ZNF565: variants seen among roughly 807,000 people sequenced by gnomAD.
ZNF565 encodes the protein zinc finger protein 565.
In ZNF565, 27 loss-of-function variants were observed where a neutral mutation model predicts 39.4. The observed-to-expected ratio is 0.69, with a 90% confidence interval of 0.51 to 0.95. The LOEUF is 0.95. Ranked by LOEUF, ZNF565 falls within the 40% of genes least tolerant of loss-of-function variation. The pLI is 0.00. For missense variants in ZNF565, 524 were observed against 621.1 expected (o/e 0.84, Z 1.66); for synonymous variants, 185 against 216.6 (o/e 0.85, Z 1.28).
At chr19:36,221,933 T>C (rs983233136) in intron 1 of ZNF565, among the ~76,000 whole-genome samples, 19 of 127,412 alleles carry the variant, frequency 1.5e-4, no homozygotes, top group South Asian at 9.6e-4. Context: ...CTTTCTTTTT[T>C]TTTTTTTTTT....
At chr19:36,205,819 G>T in intron 1 of ZNF565, among the ~76,000 whole-genome samples, 1 of 152,076 alleles carries the variant, frequency 6.6e-6, no homozygotes, top group Non-Finnish European at 1.5e-5. Flanking sequence ...ACAGGCTCTG[G>T]CATCTGACAC....
Position 36,220,360 on chromosome 19 carries a change from TAATTTAATTTTA to T in ZNF565, c.56-18322_56-18311del, listed in dbSNP as rs1568429096. Among the ~76,000 whole-genome samples the T allele has an allele frequency of 3.2e-3, 468 of 146,478 alleles. 15 individuals are homozygous for T. Among genetic ancestry groups the T allele is most frequent in the Non-Finnish European group, 4.7e-3 (313 of 66,062 alleles). On this transcript the variant is annotated intron_variant, in intron 1 of 4. Transcript: ENST00000355114. ...TTTCTTAGCTCCTAGTTCTTTTTTT[TAATTTAATTTTA>T]TTTTATTTTTGAGACGGAGTCTTGC...
chr19:36,183,454 T>C lies in ZNF565; in HGVS notation c.512A>G (p.Glu171Gly), dbSNP rs1373434997. 2 of 1,614,092 alleles carry C rather than the reference T, an allele frequency of 1.2e-6. No individual in the cohort carries two copies. The highest frequency in any genetic ancestry group is 1.1e-5 in the South Asian group (1 of 91,092). ...GCCACGGCTAAATGCTTTCCCACAT[T>C]CATGACATTCCATCAGTTTCTCACC... The part of the protein sequence containing the change: ...ETGEKLMECH[E>G]CGKAFSRGSH... The change falls in exon 5 of 5, where the codon GAA becomes GGA. Residue 171 changes from glutamate (E) to glycine (G), a missense_variant. Glu to Gly is a moderately conservative substitution (Grantham distance 98). Coordinates refer to ENST00000304116, the MANE Select transcript of ZNF565 (RefSeq NM_152477.5).
At chr19:36,207,760 T>C (rs1976210621) in intron 1 of ZNF565, among the ~76,000 whole-genome samples, 1 of 152,126 alleles carries the variant, frequency 6.6e-6, no homozygotes. Flanking sequence ...AGGTGATGAC[T>C]GTCACTTCAG....
intron 4 of ZNF565, among the ~76,000 whole-genome samples, chr19:36,189,197 G>A: frequency 6.6e-6 from 1 of 152,216 alleles, no homozygotes; most frequent in Middle Eastern, 3.4e-3. Context: ...CCTGAGGTGG[G>A]AGGATGGCTT....
At chr19:36,218,211 T>C (rs532116499), upstream of ZNF565, 1 of 152,022 alleles carries the variant, frequency 6.6e-6, no homozygotes, top group South Asian at 2.1e-4. Flanking sequence ...TACTTAAACC[T>C]TGGGCCTCAG....
In ZNF565 at chr19:36,199,506, C is replaced by CTTTTTTTTTT. The variant is rs1183093969; in HGVS notation, c.9+2461_9+2470dup. ...CTTTTAAATGAATTTCTTTCTTTCT[C>CTTTTTTTTTT]TTTTTTTTTTTTTTTTTTTGAGACA... On this transcript the variant is annotated intron_variant, in intron 2 of 4. Transcript: ENST00000304116. 4.7e-5 allele frequency among the ~76,000 whole-genome samples: 6 copies of CTTTTTTTTTT among 128,918 alleles called. No individual in the cohort carries two copies. In the South Asian group the frequency reaches 7.4e-4, roughly 16 times the overall value. 84.6% of individuals were successfully genotyped at this position (128,918 alleles called of 152,430 possible).
At chr19:36,243,197 C>G (rs1231664826) in intron 1 of ZNF565, among the ~76,000 whole-genome samples, 1 of 152,098 alleles carries the variant, frequency 6.6e-6, no homozygotes, top group Non-Finnish European at 1.5e-5. Context: ...CCACGCCCGG[C>G]TAATTTTTGT....
At chr19:36,225,391 C>T (rs1247661630) in intron 1 of ZNF565, among the ~76,000 whole-genome samples, 1 of 152,144 alleles carries the variant, frequency 6.6e-6, no homozygotes, top group Non-Finnish European at 1.5e-5. Context: ...TGTTTCTTTA[C>T]TCATTTCCTC....
chr19:36,239,607 T>C (rs1977762967), intron 1 of ZNF565, among the ~76,000 whole-genome samples: 1 of 152,182 alleles, frequency 6.6e-6, no homozygotes, highest in African/African-American at 2.4e-5. Context: ...ATTACAGGTA[T>C]GAGTCACCAT....
In ZNF565 at chr19:36,182,436, C is replaced by T. The variant is rs1372821470; in HGVS notation, c.*30G>A. The stretch of plus-strand genomic sequence containing the variant: ...GCCAGATGTGAACTCCACATAAAGG[C>T]TTATCTTTATCCCTTACACTCAAGG... On this transcript the variant is annotated 3_prime_UTR_variant, in exon 5 of 5. Transcript: ENST00000304116. 3 of 1,521,660 alleles carry T rather than the reference C, an allele frequency of 2.0e-6. No individual in the cohort carries two copies. The highest frequency in any genetic ancestry group is 1.8e-6 in the Non-Finnish European group (2 of 1,136,430). The allele number at this position is 1,521,660 out of a possible 1,614,324, so 94.3% of individuals were successfully genotyped here. A position where few individuals can be genotyped will look rare whatever the true frequency, so the allele number is the denominator to read the frequency against.
intron 4 of ZNF565, among the ~76,000 whole-genome samples, chr19:36,188,851 T>C (rs557886757): frequency 2.4e-4 from 36 of 152,308 alleles, no homozygotes; most frequent in African/African-American, 8.4e-4. Flanking sequence ...GGAATATTAT[T>C]CAGCCATAAA....
Position 36,205,935 on chromosome 19 carries a change from G to A in ZNF565, c.-65-3885C>T, listed in dbSNP as rs546311889. ...AGGAAAGAAAATAATTCAAGTCCCT[G>A]TCCCAGTTGATCTCACATTCTGTTT... On this transcript the variant is annotated intron_variant, in intron 1 of 4. Coordinates refer to ENST00000304116, the MANE Select transcript of ZNF565 (RefSeq NM_152477.5). 9.2e-5 allele frequency among the ~76,000 whole-genome samples: 14 copies of A among 151,726 alleles called. No homozygotes were observed. The East Asian group carries it at 2.7e-3, about 29-fold the overall frequency.
At chr19:36,228,359 T>C (rs1977175782) in intron 1 of ZNF565, 1 of 152,166 alleles carries the variant, frequency 6.6e-6, no homozygotes, top group Admixed American at 6.5e-5. Context: ...ATAAGGGCTG[T>C]AGTTAAAATC....
At chr19:36,235,079 C>G (rs185025294) in intron 1 of ZNF565, among the ~76,000 whole-genome samples, 25 of 151,974 alleles carry the variant, frequency 1.6e-4, no homozygotes, top group Admixed American at 1.6e-3. Flanking sequence ...TATGGTGGTG[C>G]ACACCTGTAA....
intron 1 of ZNF565, among the ~76,000 whole-genome samples, chr19:36,220,889 T>C (rs1976807839): frequency 6.6e-6 from 1 of 151,980 alleles, no homozygotes; most frequent in Admixed American, 6.6e-5. Context: ...TCTTACTCTT[T>C]TGCCCAGGGC....
intron 4 of ZNF565, among the ~76,000 whole-genome samples, chr19:36,183,949 G>A (rs1328514284): frequency 6.6e-6 from 1 of 151,318 alleles, no homozygotes; most frequent in Non-Finnish European, 1.5e-5. Context: ...TTGGTGGCAG[G>A]CACCTGTAAT....
At chr19:36,219,562 T>C (rs1319917924), upstream of ZNF565, among the ~76,000 whole-genome samples, 3 of 152,216 alleles carry the variant, frequency 2.0e-5, 1 homozygote, top group Middle Eastern at 6.3e-3. Flanking sequence ...TCAGAGGTGA[T>C]CTTACATACT....
rs199646540 is a variant in ZNF565, at chr19:36,183,278, T to A, written c.688A>T (p.Lys230Ter). The A allele has an allele frequency of 9.3e-6, 15 of 1,614,176 alleles. No homozygotes were observed. The highest frequency in any genetic ancestry group is 9.3e-6 in the Non-Finnish European group (11 of 1,180,038). The change falls in exon 5 of 5, where the codon AAG (lysine) becomes TAG (stop). Residue 230 changes from lysine (K) to a stop codon, truncating the protein, a stop_gained. Transcript: ENST00000304116. LOFTEE classifies it high-confidence loss of function. ...EKPYDCKDCGKAFGRTSELIL... is the reference protein window; with the variant it reads ...EKPYDCKDCG ...AGTTCTGATGTACGACCAAAGGCCT[T>A]CCCACAGTCCTTACAGTCATAAGGT...
Sources: gnomAD v4.1 joint callset for allele counts (sites outside exome capture counted in the v4.1 genomes callset) on GRCh38, gnomAD v4.1.1 for gene constraint, MANE v1.5 for transcripts, NCBI Gene and HGNC (gene_info 2026-07-23, HGNC 2026-07-21) for gene names.